Variants in GRM7 observed in about 807,000 individuals in gnomAD.
GRM7 encodes the protein glutamate metabotropic receptor 7.
Under a neutral mutation model 84.5 loss-of-function variants are expected in GRM7, and 35 were observed. That is an observed-to-expected ratio of 0.41 (90% confidence interval 0.32 to 0.55). The LOEUF (loss-of-function observed/expected upper bound fraction) is 0.55, where lower values mean the gene tolerates loss of function less well. Among genes scored for constraint, GRM7 ranks in the 20% least tolerant of loss-of-function variants. The pLI is 0.19. For synonymous variants in GRM7, 487 were observed against 455.1 expected, an observed-to-expected ratio of 1.07 and a Z score of -0.89; for missense variants, 1,003 against 1,194.6, an observed-to-expected ratio of 0.84 and a Z score of 2.36.
chr3:7,310,004 A>G (rs963654995), intron 4 of GRM7, among the ~76,000 whole-genome samples: 2 of 152,118 alleles, frequency 1.3e-5, no homozygotes, highest in African/African-American at 2.4e-5. Flanking sequence ...CCCATTAACT[A>G]GACTCTTAAT....
chr3:7,649,991 T>C (rs540617327), intron 8 of GRM7, among the ~76,000 whole-genome samples: 1 of 152,266 alleles, frequency 6.6e-6, no homozygotes, highest in South Asian at 2.1e-4. Flanking sequence ...AATGGAAAAT[T>C]TGAGGATTTA....
intron 2 of GRM7, among the ~76,000 whole-genome samples, chr3:7,231,447 C>CAT (rs532382158): frequency 6.4e-4 from 98 of 152,072 alleles, no homozygotes; most frequent in African/African-American, 2.1e-3. Flanking sequence ...AAATTTGGAG[C>CAT]ATATATATAT....
chr3:7,246,695 G>T (rs1427113174), intron 2 of GRM7, among the ~76,000 whole-genome samples: 1 of 152,064 alleles, frequency 6.6e-6, no homozygotes, highest in African/African-American at 2.4e-5. Context: ...GACCTAAGAA[G>T]TCTCTCTAGT....
At chr3:7,490,071 A>G (rs2124948992) in intron 7 of GRM7, among the ~76,000 whole-genome samples, 1 of 152,240 alleles carries the variant, frequency 6.6e-6, no homozygotes. Flanking sequence ...ACACTTATAC[A>G]ATTATAACAG....
At chr3:7,253,616 TAA>T (rs138776034) in intron 2 of GRM7, among the ~76,000 whole-genome samples, 94,200 of 120,746 alleles carry the variant, frequency 0.78, 36,730 homozygotes, top group Admixed American at 0.83. Flanking sequence ...AAACTCCATC[TAA>T]AAAAAAAAAA....
chr3:7,498,810 A>G (rs1699788816), intron 7 of GRM7, among the ~76,000 whole-genome samples: 1 of 152,186 alleles, frequency 6.6e-6, no homozygotes, highest in Non-Finnish European at 1.5e-5. Flanking sequence ...AATCTGTAAA[A>G]GAGACCTGTT....
chr3:7,013,270 T>C (rs2124898524), intron 1 of GRM7, among the ~76,000 whole-genome samples: 1 of 152,142 alleles, frequency 6.6e-6, no homozygotes, highest in East Asian at 1.9e-4. Flanking sequence ...TCATTTTTTA[T>C]AAGGACCTTA....
chr3:7,475,390 T>C (rs984397948), intron 7 of GRM7, among the ~76,000 whole-genome samples: 2 of 152,350 alleles, frequency 1.3e-5, no homozygotes, highest in Non-Finnish European at 2.9e-5. Context: ...AAATCATTTA[T>C]GCTTCAATAA....
chr3:7,404,353 G>A (rs1164222565), intron 4 of GRM7, among the ~76,000 whole-genome samples: 2 of 152,178 alleles, frequency 1.3e-5, no homozygotes, highest in Non-Finnish European at 2.9e-5. Flanking sequence ...TTCCCTGGTA[G>A]ATTCTTGGTG....
At chr3:7,476,102 G>A (rs9871907) in intron 7 of GRM7, among the ~76,000 whole-genome samples, 6,820 of 152,250 alleles carry the variant, frequency 0.045, 467 homozygotes, top group African/African-American at 0.15. Context: ...GGCTGTGGAG[G>A]CAGGCTGCCT....
At chr3:7,525,206 GTATACATA>G (rs1700746680) in intron 7 of GRM7, among the ~76,000 whole-genome samples, 4 of 151,872 alleles carry the variant, frequency 2.6e-5, no homozygotes, top group African/African-American at 9.7e-5. Flanking sequence ...CATGGCACAT[GTATACATA>G]TGTAACTAAC....
intron 1 of GRM7, among the ~76,000 whole-genome samples, chr3:7,086,973 C>T (rs1698479668): frequency 6.6e-6 from 1 of 152,034 alleles, no homozygotes; most frequent in Non-Finnish European, 1.5e-5. Context: ...TTCCTTCCAG[C>T]AGTAAATAAG....
chr3:7,568,806 T>C (rs962284370), intron 7 of GRM7, among the ~76,000 whole-genome samples: 8 of 152,124 alleles, frequency 5.3e-5, no homozygotes, highest in African/African-American at 1.9e-4. Context: ...GCGCTTGATT[T>C]CTTGCCGGGC....
intron 2 of GRM7, among the ~76,000 whole-genome samples, chr3:7,174,615 C>A (rs911930698): frequency 1.3e-5 from 2 of 152,186 alleles, no homozygotes; most frequent in Admixed American, 6.5e-5. Flanking sequence ...AGTCCTTGGT[C>A]TTTATTCCCT....
intron 8 of GRM7, among the ~76,000 whole-genome samples, chr3:7,633,667 T>A (rs1697951552): frequency 6.6e-6 from 1 of 152,152 alleles, no homozygotes; most frequent in Non-Finnish European, 1.5e-5. Flanking sequence ...GGTTCCATTT[T>A]GTCTGCTATG....
chr3:6,889,983 T>G (rs1695867854), intron 1 of GRM7, among the ~76,000 whole-genome samples: 1 of 152,210 alleles, frequency 6.6e-6, no homozygotes, highest in South Asian at 2.1e-4. Flanking sequence ...GTCGAGGAAT[T>G]TATCCATTTC....
At chr3:7,360,123 C>CA (rs1693594205) in intron 4 of GRM7, among the ~76,000 whole-genome samples, 1 of 133,404 alleles carries the variant, frequency 7.5e-6, no homozygotes, top group African/African-American at 3.0e-5. Context: ...TTTCTCCCCC[C>CA]CTTTTTTTTC....
At chr3:6,865,195 C>T (rs1027152023) in intron 1 of GRM7, among the ~76,000 whole-genome samples, 1 of 152,138 alleles carries the variant, frequency 6.6e-6, no homozygotes, top group African/African-American at 2.4e-5. Context: ...CAAAATAATA[C>T]TCTCCTAATG....
Position 6,999,521 on chromosome 3 carries a change from C to T in GRM7, c.519+137614C>T, listed in dbSNP as rs140443454. Among the ~76,000 whole-genome samples the T allele has an allele frequency of 1.2e-3, 181 of 152,286 alleles. 1 individual carries two copies. Among genetic ancestry groups the T allele is most frequent in the African/African-American group, 4.2e-3 (176 of 41,558 alleles). On this transcript the variant is annotated intron_variant, in intron 1 of 9. Transcript: ENST00000357716. ...CGGGTACCCTTATAGCAGCACCCCA[C>T]TCTCTGCAGTACTAATTTACTTTGT...
Sources: allele counts gnomAD v4.1 joint callset (sites outside exome capture counted in the v4.1 genomes callset), GRCh38; gene constraint gnomAD v4.1.1; transcripts MANE v1.5; gene names NCBI Gene and HGNC (gene_info 2026-07-23, HGNC 2026-07-21).